The following ANXA3 variants were observed in gnomAD, a reference collection of about 807,000 sequenced individuals.
The protein encoded by ANXA3 is annexin A3, also known as 35-alpha calcimedin.
Under a neutral mutation model 48.8 loss-of-function variants are expected in ANXA3, and 46 were observed. The ratio of observed to expected loss-of-function variants is 0.94; its 90% CI spans 0.74 to 1.21. The LOEUF (loss-of-function observed/expected upper bound fraction) is 1.21, where lower values mean the gene tolerates loss of function less well. Ranked by LOEUF, ANXA3 falls within the 50% of genes most tolerant of loss-of-function variation. The probability of loss-of-function intolerance (pLI) is 0.00; values close to 1 mark genes in which losing one functional copy is unlikely to be tolerated. For synonymous variants in ANXA3, 128 were observed against 134.7 expected (o/e 0.95, Z 0.35); for missense variants, 383 against 378.6 (o/e 1.01, Z -0.10).
chr4:78,591,594 T>C lies in ANXA3; in HGVS notation c.454T>C (p.Phe152Leu), dbSNP rs764845232. 36 of 1,613,650 alleles carry C rather than the reference T, an allele frequency of 2.2e-5. No individual in the cohort carries two copies. Among genetic ancestry groups the C allele is most frequent in the Non-Finnish European group, 3.0e-5 (35 of 1,179,740 alleles). Reference sequence around the variant, plus strand: ...CATTAGTTCCGAAACATCTGGTGACTTCCGGAAAGCTCTGTTGACTTTGGC... The same window carrying C: ...CATTAGTTCCGAAACATCTGGTGACCTCCGGAAAGCTCTGTTGACTTTGGC... Reference protein sequence around the residue: ...DDISSETSGDFRKALLTLADG... With the variant: ...DDISSETSGDLRKALLTLADG... Residue 152 changes from phenylalanine to leucine, a missense_variant, in exon 7 of 13, where the codon TTC becomes CTC. By Grantham distance (22) the Phe-to-Leu change is conservative (BLOSUM62 0). Coordinates refer to ENST00000264908, the MANE Select transcript of ANXA3 (RefSeq NM_005139.3).
Position 78,573,046 on chromosome 4 carries a change from A to T in ANXA3, c.16-134A>T, listed in dbSNP as rs752414502. On this transcript the variant is annotated intron_variant, in intron 2 of 12. Coordinates refer to ENST00000264908, the MANE Select transcript of ANXA3 (RefSeq NM_005139.3). ...ATTTTCCAAAGGCAATTTCAGAGCC[A>T]CTCCTGAAGTGGTAGGAAGGTGTGC... The T allele has an allele frequency of 5.2e-6, 4 of 774,886 alleles. No homozygotes were observed. The South Asian group carries it at 5.4e-5, about 10-fold the overall frequency. The allele number at this position is 774,886 out of a possible 1,614,324, so 48.0% of individuals were successfully genotyped here. A position where few individuals can be genotyped will look rare whatever the true frequency, so the allele number is the denominator to read the frequency against.
intron 9 of ANXA3, among the ~76,000 whole-genome samples, chr4:78,596,839 A>G (rs530309782): frequency 1.4e-4 from 22 of 152,342 alleles, no homozygotes; most frequent in African/African-American, 5.3e-4. Flanking sequence ...ATACTGATCA[A>G]GAAATTCAAA....
At chr4:78,594,543 A>G (rs111495245) in intron 7 of ANXA3, among the ~76,000 whole-genome samples, 123 of 152,296 alleles carry the variant, frequency 8.1e-4, no homozygotes, top group Admixed American at 1.2e-3. Context: ...TCTCACCAGT[A>G]TTTGGTGTTG....
chr4:78,601,431 T>C (rs1416858834), intron 10 of ANXA3, 79 bp from the exon 11 acceptor site: 4 of 1,384,870 alleles, frequency 2.9e-6, no homozygotes, highest in Non-Finnish European at 4.1e-6. Flanking sequence ...AAAGAATCTT[T>C]TTAAAAAACA....
chr4:78,598,536 C>A (rs1026975095), intron 10 of ANXA3, among the ~76,000 whole-genome samples: 1 of 146,842 alleles, frequency 6.8e-6, no homozygotes, highest in African/African-American at 2.7e-5. Context: ...CATTGTTAAT[C>A]TTTTTTTCTT....
chr4:78,559,644 C>T (rs991637213), intron 2 of ANXA3, among the ~76,000 whole-genome samples: 1 of 152,242 alleles, frequency 6.6e-6, no homozygotes, highest in African/African-American at 2.4e-5. Flanking sequence ...CCTAGTGCGA[C>T]AGGCTCTGCT....
chr4:78,585,494 A>G (rs1723155639), intron 5 of ANXA3, among the ~76,000 whole-genome samples: 1 of 152,220 alleles, frequency 6.6e-6, no homozygotes, highest in East Asian at 1.9e-4. Flanking sequence ...CATATATCCC[A>G]TTGGTCAGAG....
intron 3 of ANXA3, among the ~76,000 whole-genome samples, chr4:78,575,785 C>A (rs1036484203): frequency 6.6e-6 from 1 of 151,878 alleles, no homozygotes; most frequent in African/African-American, 2.4e-5. Context: ...CTTATTGAAT[C>A]TTTTCTATAA....
At chr4:78,604,255 G>A in intron 11 of ANXA3, 22 bp from the exon 12 acceptor site, 2 of 1,585,182 alleles carry the variant, frequency 1.3e-6, no homozygotes, top group South Asian at 1.1e-5. Context: ...TTTGTGTTGT[G>A]AACACCTGCA....
intron 2 of ANXA3, among the ~76,000 whole-genome samples, chr4:78,570,077 T>G (rs537098642): frequency 6.6e-6 from 1 of 152,372 alleles, no homozygotes; most frequent in East Asian, 1.9e-4. Context: ...GTCTATCAAA[T>G]GAATAATGCC....
chr4:78,605,149 T>C (rs150084797), intron 12 of ANXA3, among the ~76,000 whole-genome samples: 2,631 of 152,282 alleles, frequency 0.017, 72 homozygotes, highest in African/African-American at 0.06. Flanking sequence ...TTTTTAGAGA[T>C]GGGGTCTTGC....
At chr4:78,586,874 G>T (rs190546514) in intron 6 of ANXA3, among the ~76,000 whole-genome samples, 102 of 152,272 alleles carry the variant, frequency 6.7e-4, no homozygotes, top group Non-Finnish European at 1.1e-3. Flanking sequence ...CACAGGTTAA[G>T]GTCACAGTCC....
chr4:78,573,247 A>G lies in ANXA3; in HGVS notation c.83A>G (p.Gln28Arg). Residue 28 changes from glutamine to arginine, a missense_variant, in exon 3 of 13, where the codon CAG becomes CGG. By Grantham distance (43) the Gln-to-Arg change is conservative. Transcript: ENST00000264908. ...FSPSVDAEAIQKAIRGIGTDE... is the reference protein window; with the variant it reads ...FSPSVDAEAIRKAIRGIGTDE... The stretch of plus-strand genomic sequence containing the variant: ...CCATCAGTGGATGCTGAAGCTATTC[A>G]GAAAGCAATCAGAGGAATTGGTGAG... The G allele has an allele frequency of 6.2e-7, 1 of 1,612,908 alleles. No individual in the cohort carries two copies. The highest frequency in any genetic ancestry group is 1.3e-5 in the African/African-American group (1 of 75,026).
At chr4:78,557,746 C>A (rs1258485226) in intron 2 of ANXA3, among the ~76,000 whole-genome samples, 2 of 147,186 alleles carry the variant, frequency 1.4e-5, no homozygotes, top group Admixed American at 1.4e-4. Context: ...AGAACTAATA[C>A]TTATGAGTGG....
intron 11 of ANXA3, chr4:78,602,894 C>T (rs1487703428): frequency 6.6e-6 from 1 of 152,446 alleles, no homozygotes; most frequent in Non-Finnish European, 1.5e-5. Flanking sequence ...CCACCCCAGG[C>T]TTCTTTCCAT....
chr4:78,568,813 C>T (rs984017529), intron 2 of ANXA3, among the ~76,000 whole-genome samples: 6 of 152,072 alleles, frequency 3.9e-5, no homozygotes, highest in South Asian at 2.1e-4. Context: ...GGCTGACCTC[C>T]GAAGGATGAT....
intron 6 of ANXA3, among the ~76,000 whole-genome samples, chr4:78,589,271 CAA>C (rs1399276635): frequency 6.6e-6 from 1 of 152,190 alleles, no homozygotes. Context: ...GATAATAGCA[CAA>C]AGTTACCAGA....
intron 11 of ANXA3, chr4:78,602,576 G>A (rs959672547): frequency 3.3e-5 from 5 of 152,230 alleles, no homozygotes; most frequent in African/African-American, 1.2e-4. Flanking sequence ...CCGTAACCCT[G>A]TGTTTGCTTG....
In ANXA3 at chr4:78,595,857, T is replaced by A. The variant is rs1457496248; in HGVS notation, c.604T>A (p.Cys202Ser). The A allele has an allele frequency of 6.2e-7, 1 of 1,611,458 alleles. No homozygotes were observed. Among genetic ancestry groups the A allele is most frequent in the East Asian group, 2.2e-5 (1 of 44,806 alleles). The change falls in exon 9 of 13, where the codon TGT becomes AGT. Residue 202 changes from cysteine to serine, a missense_variant. Transcript: ENST00000264908. ...TDEDKFTEIL[C>S]LRSFPQLKLT... Reference sequence around the variant, plus strand: ...TGAAGACAAATTCACTGAGATCCTGTGTTTAAGGAGCTTTCCTCAATTAAA... The same window carrying A: ...TGAAGACAAATTCACTGAGATCCTGAGTTTAAGGAGCTTTCCTCAATTAAA...
Sources: gnomAD v4.1 joint callset for allele counts (sites outside exome capture counted in the v4.1 genomes callset) on GRCh38, gnomAD v4.1.1 for gene constraint, MANE v1.5 for transcripts, NCBI Gene and HGNC (gene_info 2026-07-23, HGNC 2026-07-21) for gene names.